Variants in SLC26A7 observed in about 807,000 individuals in gnomAD.
The protein encoded by SLC26A7 is solute carrier family 26 member 7, also known as anion exchange transporter.
A neutral mutation model predicts 82.5 loss-of-function variants in SLC26A7; 59 were observed. The ratio of observed to expected loss-of-function variants is 0.72; its 90% CI spans 0.58 to 0.89. SLC26A7 has a LOEUF of 0.89. Among genes scored for constraint, SLC26A7 ranks in the 40% least tolerant of loss-of-function variants. SLC26A7 has a pLI of 0.00. For synonymous variants in SLC26A7, 271 were observed against 274.3 expected (o/e 0.99, Z 0.12); for missense variants, 820 against 793.0 (o/e 1.03, Z -0.41).
chr8:91,267,532 C>T (rs1258503300), intron 2 of SLC26A7, among the ~76,000 whole-genome samples: 1 of 151,710 alleles, frequency 6.6e-6, no homozygotes, highest in Non-Finnish European at 1.5e-5. Context: ...TCCAGATTTC[C>T]CAATTCATTG....
At chr8:91,306,864 G>T (rs541658507) in intron 4 of SLC26A7, among the ~76,000 whole-genome samples, 1 of 151,740 alleles carries the variant, frequency 6.6e-6, no homozygotes, top group African/African-American at 2.4e-5. Context: ...GACTTGCCAC[G>T]CTAAAAATGG....
upstream of SLC26A7, among the ~76,000 whole-genome samples, chr8:91,248,588 CATAAA>C (rs1020510062): frequency 6.6e-6 from 1 of 151,900 alleles, no homozygotes; most frequent in Non-Finnish European, 1.5e-5. Context: ...GCAAAATGAT[CATAAA>C]ATAAAAATCT....
intron 5 of SLC26A7, among the ~76,000 whole-genome samples, chr8:91,322,783 C>G (rs1250940957): frequency 6.6e-6 from 1 of 152,070 alleles, no homozygotes; most frequent in Non-Finnish European, 1.5e-5. Flanking sequence ...GCGAGCTTGG[C>G]AATATATTCA....
intron 2 of SLC26A7, among the ~76,000 whole-genome samples, chr8:91,237,835 A>G (rs192689923): frequency 2.6e-5 from 4 of 152,302 alleles, no homozygotes; most frequent in Non-Finnish European, 5.9e-5. Context: ...TAATTGCTAA[A>G]TTCCAGACTT....
At chr8:91,355,360 A>AT (rs1173611145) in intron 11 of SLC26A7, among the ~76,000 whole-genome samples, 4 of 151,726 alleles carry the variant, frequency 2.6e-5, no homozygotes, top group Non-Finnish European at 4.4e-5. Context: ...ATCTTTGAAT[A>AT]TTTTTTCAAA....
chr8:91,352,951 G>T lies in SLC26A7; in HGVS notation c.1269G>T (p.Gln423His), dbSNP rs761765468. The T allele has an allele frequency of 3.7e-6, 6 of 1,608,380 alleles. No individual in the cohort carries two copies. In the East Asian group the frequency reaches 1.1e-4, roughly 30 times the overall value. ...IVVGLKGMLI[Q>H]FRDLKKYWNV... The stretch of plus-strand genomic sequence containing the variant: ...TGGGACTGAAGGGAATGCTAATACA[G>T]TTCCGAGATTTAAAAAAATATTGGA... The change falls in exon 11 of 19, where the codon CAG becomes CAT. Residue 423 changes from glutamine (Q) to histidine (H), a missense_variant. Gln to His is a conservative substitution (Grantham distance 24). Coordinates refer to ENST00000276609, the MANE Select transcript of SLC26A7 (RefSeq NM_052832.4).
intron 4 of SLC26A7, among the ~76,000 whole-genome samples, chr8:91,304,017 G>T (rs1372435517): frequency 6.6e-6 from 1 of 152,068 alleles, no homozygotes; most frequent in African/African-American, 2.4e-5. Flanking sequence ...AACCAAGTTA[G>T]AATTATAACA....
At chr8:91,214,819 T>C (rs1810009344) in intron 1 of SLC26A7, among the ~76,000 whole-genome samples, 1 of 152,076 alleles carries the variant, frequency 6.6e-6, no homozygotes, top group African/African-American at 2.4e-5. Flanking sequence ...TTTTTTTTTT[T>C]TTTACAGTCA....
At position 91,395,438 on chromosome 8, in the gene SLC26A7, A is replaced by G. The variant is rs1346831127; in HGVS notation, c.*341A>G. The stretch of plus-strand genomic sequence containing the variant: ...AAGTTGATGTTTAAAATTGAGAAAT[A>G]CTTTTGTCATAGGTAATTTGGAACA... On this transcript the variant is annotated 3_prime_UTR_variant, in exon 19 of 19. Coordinates refer to ENST00000276609, the MANE Select transcript of SLC26A7 (RefSeq NM_052832.4). The G allele has an allele frequency of 3.9e-6, 1 of 258,532 alleles. No individual in the cohort carries two copies. Among genetic ancestry groups the G allele is most frequent in the East Asian group, 1.1e-4 (1 of 9,178 alleles). 16.0% of individuals were successfully genotyped at this position (258,532 alleles called of 1,614,324 possible). A position where few individuals can be genotyped will look rare whatever the true frequency, so the allele number is the denominator to read the frequency against.
chr8:91,328,042 T>G (rs776896085), intron 5 of SLC26A7, among the ~76,000 whole-genome samples: 1 of 152,124 alleles, frequency 6.6e-6, no homozygotes, highest in Non-Finnish European at 1.5e-5. Context: ...GAAAGTAATG[T>G]TTTGATTAAT....
chr8:91,370,084 TTC>T (rs1554614560), intron 15 of SLC26A7, among the ~76,000 whole-genome samples: 3 of 152,006 alleles, frequency 2.0e-5, no homozygotes, highest in African/African-American at 7.2e-5. Context: ...TCCTTCTCCC[TTC>T]TCTTTCTTTC....
intron 2 of SLC26A7, among the ~76,000 whole-genome samples, chr8:91,287,061 G>T (rs1290528685): frequency 6.6e-6 from 1 of 152,056 alleles, no homozygotes; most frequent in African/African-American, 2.4e-5. Context: ...CATTGAGGGC[G>T]AATGATATTG....
At position 91,395,859 on chromosome 8, in the gene SLC26A7, G is replaced by A. The variant is rs1448729149; in HGVS notation, c.*762G>A. On this transcript the variant is annotated 3_prime_UTR_variant, in exon 19 of 19. Coordinates refer to ENST00000276609, the MANE Select transcript of SLC26A7 (RefSeq NM_052832.4). ...CCAATAAGAGGCTCTGTTTTCCACT[G>A]AAGCTTTGTTGGAGAAAGAGAATAT... 3 of 152,024 alleles carry A rather than the reference G, an allele frequency of 2.0e-5. No individual in the cohort carries two copies. The highest frequency in any genetic ancestry group is 4.4e-5 in the Non-Finnish European group (3 of 67,916). The allele number at this position is 152,024 out of a possible 1,614,324, so 9.4% of individuals were successfully genotyped here. A position where few individuals can be genotyped will look rare whatever the true frequency, so the allele number is the denominator to read the frequency against.
chr8:91,315,391 C>CA (rs1812599618), intron 4 of SLC26A7, among the ~76,000 whole-genome samples: 1 of 148,702 alleles, frequency 6.7e-6, no homozygotes, highest in South Asian at 2.1e-4. Context: ...ATAATTGGTT[C>CA]AATGTTTTTC....
chr8:91,264,030 C>CA (rs1811042508), intron 2 of SLC26A7, among the ~76,000 whole-genome samples: 1 of 151,772 alleles, frequency 6.6e-6, no homozygotes, highest in East Asian at 1.9e-4. Flanking sequence ...AGGTCTCAGC[C>CA]AAAAAGAGAT....
Position 91,279,149 on chromosome 8 carries a change from A to G in SLC26A7, c.194-9987A>G, listed in dbSNP as rs1043877870. 1.9e-4 allele frequency among the ~76,000 whole-genome samples: 21 copies of G among 110,460 alleles called. 1 individual carries two copies. Among genetic ancestry groups the G allele is most frequent in the Admixed American group, 7.9e-4 (9 of 11,354 alleles). The allele number at this position is 110,460 out of a possible 152,430, so 72.5% of individuals were successfully genotyped here. The stretch of plus-strand genomic sequence containing the variant: ...TGTATATATATATATATATATATAT[A>G]TATATATATATATATATGTATCACA... On this transcript the variant is annotated intron_variant, in intron 2 of 18. Transcript: ENST00000276609.
intron 2 of SLC26A7, among the ~76,000 whole-genome samples, chr8:91,240,510 A>T (rs1475292963): frequency 6.6e-6 from 1 of 152,206 alleles, no homozygotes; most frequent in Non-Finnish European, 1.5e-5. Flanking sequence ...TTATAAACTT[A>T]TTCTGCATCT....
In SLC26A7 at chr8:91,249,703, A is replaced by G. The variant is rs1563643067; in HGVS notation, c.52A>G (p.Thr18Ala). Residue 18 changes from threonine (T) to alanine (A), a missense_variant, in exon 2 of 19, where the codon ACC becomes GCC. By Grantham distance (58) the Thr-to-Ala change is moderately conservative (BLOSUM62 0). Transcript: ENST00000276609. ...AAGCATGCTTTGGAGCAAGATGCAT[A>G]CCCCCCAGTGTGAAGACATTATACA... is the stretch of plus-strand genomic sequence containing the variant. ...KKSMLWSKMHTPQCEDIIQWC... is the reference protein window; with the variant it reads ...KKSMLWSKMHAPQCEDIIQWC... The G allele has an allele frequency of 6.3e-7, 1 of 1,588,984 alleles. No individual in the cohort carries two copies. Among genetic ancestry groups the G allele is most frequent in the East Asian group, 2.3e-5 (1 of 43,314 alleles).
intron 2 of SLC26A7, among the ~76,000 whole-genome samples, chr8:91,237,624 C>T (rs1054573366): frequency 5.9e-5 from 9 of 152,084 alleles, no homozygotes; most frequent in Non-Finnish European, 8.8e-5. Context: ...TTCTCTCTAC[C>T]GTGTCTTTTC....
Sources: gnomAD v4.1 joint callset for allele counts (sites outside exome capture counted in the v4.1 genomes callset) on GRCh38, gnomAD v4.1.1 for gene constraint, MANE v1.5 for transcripts, NCBI Gene and HGNC (gene_info 2026-07-23, HGNC 2026-07-21) for gene names.